The following BCL9 variants were observed in gnomAD, a reference collection of about 807,000 sequenced individuals.
BCL9 encodes BCL9 transcription coactivator.
Under a neutral mutation model 88.5 loss-of-function variants are expected in BCL9, and 25 were observed. The ratio of observed to expected loss-of-function variants is 0.28; its 90% CI spans 0.21 to 0.39. The LOEUF (loss-of-function observed/expected upper bound fraction) is 0.39. Ranked by LOEUF, BCL9 falls within the 10% of genes least tolerant of loss-of-function variation. The probability of loss-of-function intolerance (pLI) is 1.00; values close to 1 mark genes in which losing one functional copy is unlikely to be tolerated. For missense variants in BCL9, 1,817 were observed against 1,877.8 expected (o/e 0.97, Z 0.60); for synonymous variants, 711 against 673.3 (o/e 1.06, Z -0.87).
chr1:147,582,140 T>C (rs1656398099), intron 1 of BCL9, among the ~76,000 whole-genome samples: 1 of 152,274 alleles, frequency 6.6e-6, no homozygotes, highest in Admixed American at 6.5e-5. Flanking sequence ...TAAGACCATG[T>C]ATGCATTTTG....
chr1:147,578,303 C>T (rs1410170395), intron 1 of BCL9, among the ~76,000 whole-genome samples: 2 of 152,190 alleles, frequency 1.3e-5, no homozygotes, highest in African/African-American at 4.8e-5. Context: ...ATCCAAAAAT[C>T]CAAGATCCAA....
At position 147,619,533 on chromosome 1, in the gene BCL9, G is replaced by A. The variant is rs782112724; in HGVS notation, c.1378G>A (p.Asp460Asn). ...CTCCCAGTCTGGGACCATAGGACCC[G>A]ACCACCTTGACCATATGACTCCCGA... ...MNSQSGTIGP[D>N]HLDHMTPEQI... The change falls in exon 8 of 10, where the codon GAC becomes AAC. Residue 460 changes from aspartate to asparagine, a missense_variant. Transcript: ENST00000234739. This position sits in a 1 kb window ranked among gnomAD's most constrained non-coding sequence, Gnocchi z 4.1. 52 of 1,613,964 alleles carry A rather than the reference G, an allele frequency of 3.2e-5. No homozygotes were observed. The highest frequency in any genetic ancestry group is 9.9e-5 in the South Asian group (9 of 91,066).
chr1:147,579,284 G>T (rs1328169618), intron 1 of BCL9, among the ~76,000 whole-genome samples: 1 of 152,162 alleles, frequency 6.6e-6, no homozygotes, highest in Admixed American at 6.5e-5. Flanking sequence ...AGGCAGAATG[G>T]ATCAAATGAT....
chr1:147,612,811 C>A, intron 4 of BCL9, 72 bp from the exon 5 acceptor site: 1 of 1,473,428 alleles, frequency 6.8e-7, no homozygotes, highest in Non-Finnish European at 9.3e-7. Flanking sequence ...CCAATAGAAA[C>A]TGCCTCTCTC....
At chr1:147,576,290 C>A (rs1243011660) in intron 1 of BCL9, among the ~76,000 whole-genome samples, 1 of 152,170 alleles carries the variant, frequency 6.6e-6, no homozygotes, top group Non-Finnish European at 1.5e-5. Context: ...GCCCCTTCCA[C>A]CTTTCTCTCA....
In BCL9 at chr1:147,619,911, G is replaced by C; in HGVS notation, c.1756G>C (p.Gly586Arg). The C allele has an allele frequency of 6.2e-7, 1 of 1,614,198 alleles. No individual in the cohort carries two copies. Residue 586 changes from glycine to arginine, a missense_variant, in exon 8 of 10, where the codon GGT (glycine) becomes CGT (arginine). By Grantham distance (125) the Gly-to-Arg change is moderately radical. Coordinates refer to ENST00000234739, the MANE Select transcript of BCL9 (RefSeq NM_004326.4). This position sits in a 1 kb window ranked among gnomAD's most constrained non-coding sequence, Gnocchi z 4.1. ...PNVPNPASRP[G>R]LSGVSWPDDV... is the part of the protein sequence containing the mutation. ...TGTCCCCAACCCTGCATCTAGACCA[G>C]GTCTTTCTGGAGTCAGTTGGCCAGA... is the stretch of plus-strand genomic sequence containing the variant.
intron 3 of BCL9, among the ~76,000 whole-genome samples, chr1:147,607,944 G>T (rs1657805881): frequency 6.6e-6 from 1 of 152,156 alleles, no homozygotes; most frequent in Non-Finnish European, 1.5e-5. Context: ...AGCATGAGAA[G>T]AGAAGATGAC....
intron 1 of BCL9, among the ~76,000 whole-genome samples, chr1:147,563,500 A>T (rs587725164): frequency 6.6e-6 from 1 of 152,344 alleles, no homozygotes; most frequent in East Asian, 1.9e-4. Flanking sequence ...AGAGGGCTAG[A>T]TTTAACATCT....
At chr1:147,559,564 C>A (rs988567160) in intron 1 of BCL9, among the ~76,000 whole-genome samples, 20 of 152,200 alleles carry the variant, frequency 1.3e-4, no homozygotes, top group Admixed American at 2.6e-4. Flanking sequence ...TGCACCCAAA[C>A]TTTCATGTCC....
At chr1:147,555,116 G>A (rs1655048824) in intron 1 of BCL9, among the ~76,000 whole-genome samples, 2 of 152,068 alleles carry the variant, frequency 1.3e-5, no homozygotes, top group Admixed American at 1.3e-4. Context: ...AGCCCCTTGA[G>A]GTGGGTACTG....
chr1:147,607,275 A>C (rs895421655), intron 3 of BCL9, among the ~76,000 whole-genome samples: 13 of 152,218 alleles, frequency 8.5e-5, no homozygotes, highest in African/African-American at 3.1e-4. Context: ...GTTACTGTAA[A>C]TAATGCTGCA....
intron 6 of BCL9, among the ~76,000 whole-genome samples, chr1:147,615,037 C>T (rs1444562248): frequency 6.6e-6 from 1 of 151,986 alleles, no homozygotes; most frequent in Non-Finnish European, 1.5e-5. Context: ...GATGGGGTTT[C>T]ACCATGTTGG....
chr1:147,555,786 T>C (rs1553195372), intron 1 of BCL9, among the ~76,000 whole-genome samples: 1 of 152,230 alleles, frequency 6.6e-6, no homozygotes, highest in Non-Finnish European at 1.5e-5. Context: ...TAATGATGTT[T>C]TGTGGTTGGC....
At chr1:147,601,124 A>G (rs1158445390) in intron 1 of BCL9, among the ~76,000 whole-genome samples, 1 of 152,222 alleles carries the variant, frequency 6.6e-6, no homozygotes, top group African/African-American at 2.4e-5. Context: ...GGAGGAGGCC[A>G]GAAATCTGTC....
At chr1:147,567,018 T>C (rs782239217) in intron 1 of BCL9, among the ~76,000 whole-genome samples, 46 of 152,176 alleles carry the variant, frequency 3.0e-4, no homozygotes, top group Non-Finnish European at 5.4e-4. Context: ...GTTGGGAAGC[T>C]TAATAGGAGG....
chr1:147,557,797 T>G (rs989568752), intron 1 of BCL9, among the ~76,000 whole-genome samples: 1 of 152,212 alleles, frequency 6.6e-6, no homozygotes, highest in Non-Finnish European at 1.5e-5. Flanking sequence ...ACATTGGAAA[T>G]CTGTAGGCTT....
At chr1:147,606,500 A>G (rs1253487428) in intron 2 of BCL9, among the ~76,000 whole-genome samples, 1 of 152,238 alleles carries the variant, frequency 6.6e-6, no homozygotes, top group Non-Finnish European at 1.5e-5. Flanking sequence ...AATTCTAAAA[A>G]GTAGAAAACT....
chr1:147,575,232 T>C (rs898384629), intron 1 of BCL9, among the ~76,000 whole-genome samples: 5 of 152,318 alleles, frequency 3.3e-5, no homozygotes, highest in Non-Finnish European at 7.3e-5. Flanking sequence ...TGTGTTACCC[T>C]TCAGGTCTTG....
At chr1:147,589,821 A>G (rs984857914) in intron 1 of BCL9, among the ~76,000 whole-genome samples, 1 of 152,228 alleles carries the variant, frequency 6.6e-6, no homozygotes, top group Admixed American at 6.5e-5. Context: ...TTGTGTAGAC[A>G]TACATTTTTA....
Sources: gnomAD v4.1 joint callset for allele counts (sites outside exome capture counted in the v4.1 genomes callset) on GRCh38, gnomAD v4.1.1 for gene constraint, Gnocchi (gnomAD v3.1) non-coding constraint, MANE v1.5 for transcripts, NCBI Gene and HGNC (gene_info 2026-07-23, HGNC 2026-07-21) for gene names.